The following IL6ST variants were observed in gnomAD, a reference collection of about 807,000 sequenced individuals.
IL6ST encodes interleukin-6 receptor subunit beta.
Under a neutral mutation model 91.3 loss-of-function variants are expected in IL6ST, and 24 were observed. That is an observed-to-expected ratio of 0.26 (90% CI 0.19 to 0.37). The LOEUF is 0.37. Among genes scored for constraint, IL6ST ranks in the 10% least tolerant of loss-of-function variants. The pLI, the probability that IL6ST is intolerant of heterozygous loss-of-function variation, is 1.00. For synonymous variants in IL6ST, 351 were observed against 373.6 expected, an observed-to-expected ratio of 0.94 and a Z score of 0.70; for missense variants, 914 against 1,078.5, an observed-to-expected ratio of 0.85 and a Z score of 2.14.
rs1312782180 is a variant in IL6ST, at chr5:55,994,911, G to A, written c.-231C>T. On this transcript the variant is annotated 5_prime_UTR_variant, in exon 1 of 17. Coordinates refer to ENST00000381298, the MANE Select transcript of IL6ST (RefSeq NM_002184.4). ...CAGCTGCGCCGGGGCGGCCCAGCGCGACTCCGCGGGCCTTTTGGCTGCTCG... is the reference window on the plus strand; with the variant it reads ...CAGCTGCGCCGGGGCGGCCCAGCGCAACTCCGCGGGCCTTTTGGCTGCTCG... 1 of 152,238 alleles carries A rather than the reference G, an allele frequency of 6.6e-6. No individual in the cohort carries two copies. The highest frequency in any genetic ancestry group is 1.9e-4 in the East Asian group (1 of 5,170). The allele number at this position is 152,238 out of a possible 1,614,324, so 9.4% of individuals were successfully genotyped here. A position where few individuals can be genotyped will look rare whatever the true frequency, so the allele number is the denominator to read the frequency against.
Position 55,982,849 on chromosome 5 carries a change from T to C in IL6ST, c.-103-38A>G, listed in dbSNP as rs529069120. 670 of 398,006 alleles carry C rather than the reference T, an allele frequency of 1.7e-3. 2 individuals carry two copies. Among genetic ancestry groups the C allele is most frequent in the Middle Eastern group, 1.9e-3 (3 of 1,580 alleles). 24.7% of individuals were successfully genotyped at this position (398,006 alleles called of 1,614,324 possible). A position where few individuals can be genotyped will look rare whatever the true frequency, so the allele number is the denominator to read the frequency against. On this transcript the variant is annotated intron_variant, in intron 1 of 16. Transcript: ENST00000381298. ...GAGAGTCTTGTTCAGAAGGCTGGCTTTGATAATTTTATTATATGTGTACTT... is the reference window on the plus strand; with the variant it reads ...GAGAGTCTTGTTCAGAAGGCTGGCTCTGATAATTTTATTATATGTGTACTT...
At chr5:55,978,165 T>G (rs1753425739) in intron 2 of IL6ST, 1 of 152,182 alleles carries the variant, frequency 6.6e-6, no homozygotes, top group Non-Finnish European at 1.5e-5. Context: ...AGGACTGTAT[T>G]ACTCATAACA....
chr5:55,949,561 T>G (rs1223260658), intron 14 of IL6ST, among the ~76,000 whole-genome samples: 2 of 152,182 alleles, frequency 1.3e-5, no homozygotes, highest in African/African-American at 4.8e-5. Flanking sequence ...TCTGTAGAGA[T>G]GGCTGGTCTC....
chr5:55,973,888 G>A (rs879631531), intron 3 of IL6ST, among the ~76,000 whole-genome samples: 1 of 152,120 alleles, frequency 6.6e-6, no homozygotes, highest in South Asian at 2.1e-4. Flanking sequence ...CCAACACTTC[G>A]GATGAAAATG....
chr5:55,939,850 G>A lies in IL6ST; in HGVS notation c.*1232C>T, dbSNP rs1750771957. Reference sequence around the variant, plus strand: ...AGTTCCACCCTACCTCAGAACTGCAGACATTAAAATACCATCTCTTTATTA... The same window carrying A: ...AGTTCCACCCTACCTCAGAACTGCAAACATTAAAATACCATCTCTTTATTA... On this transcript the variant is annotated 3_prime_UTR_variant, in exon 17 of 17. Coordinates refer to ENST00000381298, the MANE Select transcript of IL6ST (RefSeq NM_002184.4). 1 of 203,060 alleles carries A rather than the reference G, an allele frequency of 4.9e-6. No individual in the cohort carries two copies. Among genetic ancestry groups the A allele is most frequent in the South Asian group, 1.9e-4 (1 of 5,246 alleles). 12.6% of individuals were successfully genotyped at this position (203,060 alleles called of 1,614,324 possible). A position where few individuals can be genotyped will look rare whatever the true frequency, so the allele number is the denominator to read the frequency against.
rs554002581 is a variant in IL6ST at position 55,969,697 on chromosome 5, G to T, written c.223C>A (p.Pro75Thr). 66 of 1,612,244 alleles carry T rather than the reference G, an allele frequency of 4.1e-5. No homozygotes were observed. In the South Asian group the frequency reaches 6.0e-4, roughly 15 times the overall value. Residue 75 changes from proline to threonine, a missense_variant, in exon 4 of 17, where the codon CCT becomes ACT. Physicochemically the swap from Pro to Thr is conservative, Grantham distance 38. Transcript: ENST00000381298. ...TTTATGATAGTATATTGCTCCTTAG[G>T]AATAGTAAAATGGTTTGTTTTCCAG... The part of the protein sequence containing the change: ...IVWKTNHFTI[P>T]KEQYTIINRT...
intron 2 of IL6ST, among the ~76,000 whole-genome samples, chr5:55,977,257 G>GA (rs1753355812): frequency 1.3e-5 from 2 of 150,220 alleles, no homozygotes; most frequent in Admixed American, 1.3e-4. Context: ...CTATTTACAG[G>GA]AAATTCTTTT....
intron 3 of IL6ST, among the ~76,000 whole-genome samples, chr5:55,970,444 T>C (rs1320000785): frequency 6.6e-6 from 1 of 152,170 alleles, no homozygotes; most frequent in Non-Finnish European, 1.5e-5. Flanking sequence ...TCAGCACTTT[T>C]GGGAGGCCGA....
chr5:55,955,823 C>T (rs1162112562), intron 10 of IL6ST, among the ~76,000 whole-genome samples: 3 of 152,004 alleles, frequency 2.0e-5, no homozygotes, highest in Non-Finnish European at 2.9e-5. Flanking sequence ...TCGAGACCAG[C>T]CTGAGCAACC....
intron 5 of IL6ST, among the ~76,000 whole-genome samples, chr5:55,967,591 T>C (rs1365981799): frequency 6.6e-6 from 1 of 151,916 alleles, no homozygotes; most frequent in East Asian, 1.9e-4. Flanking sequence ...CAGTGGTATG[T>C]TGTTATGCTT....
intron 1 of IL6ST, among the ~76,000 whole-genome samples, chr5:55,990,289 A>AAAG (rs67485722): frequency 6.6e-6 from 1 of 151,990 alleles, no homozygotes; most frequent in African/African-American, 2.4e-5. Context: ...TTTAAAAAAA[A>AAAG]AAGAAGAAGA....
At chr5:55,982,575 T>C (rs993790339) in intron 2 of IL6ST, 149 bp downstream of exon 2, 3 of 386,550 alleles carry the variant, frequency 7.8e-6, no homozygotes, top group Admixed American at 4.5e-5. Flanking sequence ...CACTAGGATA[T>C]TATTTTACAT....
rs1396487011 is a variant in IL6ST at position 55,956,068 on chromosome 5, T to C, written c.1224A>G (p.Lys408=). The C allele has an allele frequency of 1.2e-6, 2 of 1,613,746 alleles. No homozygotes were observed. The highest frequency in any genetic ancestry group is 8.5e-7 in the Non-Finnish European group (1 of 1,179,822). Residue 408 remains lysine (K), a synonymous_variant, in exon 10 of 17, where the codon AAA becomes AAG. Transcript: ENST00000381298. ...ATLTVRNLVG[K]SDAAVLTIPA... ...GGATAGTTAAAACAGCTGCATCTGA[T>C]TTGCCAACAAGATTTCTTACTGTTA...
At position 55,952,307 on chromosome 5, in the gene IL6ST, C is replaced by T. The variant is rs34417936; in HGVS notation, c.1495G>A (p.Val499Ile). Residue 499 changes from valine to isoleucine, a missense_variant, in exon 12 of 17, where the codon GTA becomes ATA. Transcript: ENST00000381298. ...SKCYLITVTP[V>I]YADGPGSPES... ...GGGCTTCCTGGTCCATCAGCATATA[C>T]TGGAGTAACTGTTATCAAATAGCAT... 36,235 of 1,605,820 alleles carry T rather than the reference C, an allele frequency of 0.023. 530 individuals carry two copies. Among genetic ancestry groups the T allele is most frequent in the Middle Eastern group, 0.038 (227 of 6,038 alleles).
rs1750594387 is a variant in IL6ST at position 55,937,272 on chromosome 5, A to G, written c.*3810T>C. On this transcript the variant is annotated 3_prime_UTR_variant, in exon 17 of 17. Coordinates refer to ENST00000381298, the MANE Select transcript of IL6ST (RefSeq NM_002184.4). The stretch of plus-strand genomic sequence containing the variant: ...TTAAACTAACCAGTTTGTACAAACT[A>G]TTGACTGAGAAAAAGCCCTTAAAAA... 1 of 213,624 alleles carries G rather than the reference A, an allele frequency of 4.7e-6. No homozygotes were observed. The highest frequency in any genetic ancestry group is 2.3e-5 in the African/African-American group (1 of 44,222). The allele number at this position is 213,624 out of a possible 1,614,324, so 13.2% of individuals were successfully genotyped here.
intron 10 of IL6ST, 106 bp from the exon 11 acceptor site, chr5:55,955,098 T>C (rs1751875928): frequency 1.0e-5 from 8 of 771,154 alleles, no homozygotes; most frequent in Non-Finnish European, 1.7e-5. Context: ...TTTTGTAGCA[T>C]ATACTTCCTT....
chr5:55,963,411 C>T lies in IL6ST; in HGVS notation c.754G>A (p.Val252Ile), dbSNP rs148108192. 29 of 1,596,908 alleles carry T rather than the reference C, an allele frequency of 1.8e-5. 1 individual carries two copies. In the African/African-American group the frequency reaches 3.8e-4, roughly 21 times the overall value. The change falls in exon 7 of 17, where the codon GTT (valine) becomes ATT (isoleucine). Residue 252 changes from valine (V) to isoleucine (I), a missense_variant. Val to Ile is a conservative substitution (Grantham distance 29). Transcript: ENST00000381298. ...TGAATGTTATATTTTAGTATTATAA[C>T]ACTCTTAATACTTGGGTTGGTCCAT... ...LTWTNPSIKS[V>I]IILKYNIQYR...
intron 15 of IL6ST, 35 bp downstream of exon 15, chr5:55,947,458 G>A (rs1163349550): frequency 8.8e-7 from 1 of 1,138,946 alleles, no homozygotes; most frequent in Non-Finnish European, 1.3e-6. Context: ...AATAAAGCTG[G>A]GGGAAAATGC....
intron 4 of IL6ST, among the ~76,000 whole-genome samples, chr5:55,969,342 A>G (rs1752822438): frequency 6.6e-6 from 1 of 152,172 alleles, no homozygotes; most frequent in Admixed American, 6.6e-5. Context: ...CTCATGTCAA[A>G]TATTTCTCTA....
Sources: allele counts gnomAD v4.1 joint callset (sites outside exome capture counted in the v4.1 genomes callset), GRCh38; gene constraint gnomAD v4.1.1; transcripts MANE v1.5; gene names NCBI Gene and HGNC (gene_info 2026-07-23, HGNC 2026-07-21).